TAB2: variants seen among roughly 807,000 people sequenced by gnomAD.
TAB2 encodes TGF-beta activated kinase 1 (MAP3K7) binding protein 2.
A neutral mutation model predicts 65.0 loss-of-function variants in TAB2; 3 were observed. The observed-to-expected ratio is 0.05, with a 90% CI of 0.02 to 0.12. The LOEUF is 0.12. TAB2 is among the 10% of genes least tolerant of loss of function. The pLI, the probability that TAB2 is intolerant of heterozygous loss-of-function variation, is 1.00. For synonymous variants in TAB2, 298 were observed against 285.1 expected, an observed-to-expected ratio of 1.05 and a Z score of -0.46; for missense variants, 623 against 840.3, an observed-to-expected ratio of 0.74 and a Z score of 3.20.
At position 149,390,668 on chromosome 6, in the gene TAB2, G is replaced by T. The variant is rs149990809; in HGVS notation, c.1604-6936G>T. Among the ~76,000 whole-genome samples the T allele has an allele frequency of 2.8e-3, 420 of 152,264 alleles. 5 individuals are homozygous for T. The highest frequency in any genetic ancestry group is 9.6e-3 in the African/African-American group (400 of 41,562). ...ACCATTTAGAATGCTTATAGCAGTG[G>T]TTTAAGAGCCCTGGTGCTTGAATTC... On this transcript the variant is annotated intron_variant, in intron 3 of 6. Transcript: ENST00000637181.
chr6:149,263,769 A>G (rs1778203331), intron 1 of TAB2, among the ~76,000 whole-genome samples: 1 of 152,192 alleles, frequency 6.6e-6, no homozygotes, highest in African/African-American at 2.4e-5. Context: ...GCTAAAGAAT[A>G]TTATGGGACA....
intron 1 of TAB2, among the ~76,000 whole-genome samples, chr6:149,320,372 G>A (rs1779403134): frequency 6.6e-6 from 1 of 152,334 alleles, no homozygotes; most frequent in African/African-American, 2.4e-5. Flanking sequence ...AAACTCCGCA[G>A]TTATGTAGGC....
intron 1 of TAB2, among the ~76,000 whole-genome samples, chr6:149,262,516 G>C (rs1392339601): frequency 6.7e-6 from 1 of 150,000 alleles, no homozygotes. Context: ...CTGGGCAACA[G>C]AGTGAAACTC....
intron 1 of TAB2, among the ~76,000 whole-genome samples, chr6:149,226,488 C>T (rs1219724534): frequency 6.6e-6 from 1 of 152,198 alleles, no homozygotes; most frequent in Non-Finnish European, 1.5e-5. Flanking sequence ...GATGCTCACA[C>T]ACCCTGATGT....
upstream of TAB2, among the ~76,000 whole-genome samples, chr6:149,316,038 G>A (rs771620901): frequency 4.3e-4 from 66 of 152,154 alleles, 1 homozygote; most frequent in Middle Eastern, 0.024. Flanking sequence ...TTTACTTAAT[G>A]GATTCAGTTT....
At chr6:149,388,764 T>G (rs571909967) in intron 3 of TAB2, among the ~76,000 whole-genome samples, 1 of 152,270 alleles carries the variant, frequency 6.6e-6, no homozygotes, top group Non-Finnish European at 1.5e-5. Context: ...CTTGCCTATT[T>G]CTGTAAAATG....
intron 1 of TAB2, among the ~76,000 whole-genome samples, chr6:149,359,772 T>C (rs1420238484): frequency 6.6e-6 from 1 of 152,204 alleles, no homozygotes. Context: ...CCAGGGAATT[T>C]TTTTCTTGCA....
intron 1 of TAB2, among the ~76,000 whole-genome samples, chr6:149,269,922 G>A (rs1047436619): frequency 1.3e-5 from 2 of 152,126 alleles, no homozygotes; most frequent in African/African-American, 4.8e-5. Flanking sequence ...AGATTTTTGT[G>A]TGGACATAGG....
At chr6:149,340,750 TATC>T (rs1489284070) in intron 1 of TAB2, among the ~76,000 whole-genome samples, 1 of 152,186 alleles carries the variant, frequency 6.6e-6, no homozygotes, top group African/African-American at 2.4e-5. Context: ...AATTCAGTCT[TATC>T]ATCTAAGTTT....
At chr6:149,391,861 A>G (rs1583153282) in intron 3 of TAB2, among the ~76,000 whole-genome samples, 1 of 151,882 alleles carries the variant, frequency 6.6e-6, no homozygotes, top group East Asian at 1.9e-4. Flanking sequence ...TTTCCATTCT[A>G]CATTTTAGGA....
intron 3 of TAB2, among the ~76,000 whole-genome samples, chr6:149,391,664 C>A (rs1781990090): frequency 6.6e-6 from 1 of 152,016 alleles, no homozygotes; most frequent in Non-Finnish European, 1.5e-5. Flanking sequence ...ACCTCAGCAT[C>A]TGGAGTAGCT....
At chr6:149,238,494 C>T (rs1011217681) in intron 1 of TAB2, among the ~76,000 whole-genome samples, 5 of 152,186 alleles carry the variant, frequency 3.3e-5, no homozygotes, top group Admixed American at 6.5e-5. Flanking sequence ...AAGACTCACC[C>T]TACATGTTCT....
At chr6:149,270,048 C>T (rs934875503) in intron 1 of TAB2, among the ~76,000 whole-genome samples, 1 of 152,342 alleles carries the variant, frequency 6.6e-6, no homozygotes, top group Admixed American at 6.5e-5. Context: ...TGCCATTTTG[C>T]AGCCACATCA....
rs10553494 is a variant in TAB2 at position 149,229,393 on chromosome 6, CGTGT to C, written c.-121+10640_-121+10643del. Among the ~76,000 whole-genome samples, 985 of 148,822 alleles carry C rather than the reference CGTGT, an allele frequency of 6.6e-3. 5 individuals carry two copies. The highest frequency in any genetic ancestry group is 0.014 in the African/African-American group (561 of 40,496). On this transcript the variant is annotated intron_variant, in intron 1 of 1. Coordinates refer to the TAB2 transcript ENST00000606202. ...ATGGCACCCAGCAAACCTTTAAAGA[CGTGT>C]GTGTGTGTGTGTGTGTGTGTGTTTG...
intron 1 of TAB2, among the ~76,000 whole-genome samples, chr6:149,324,973 A>C (rs935603273): frequency 6.6e-6 from 1 of 151,896 alleles, no homozygotes; most frequent in Non-Finnish European, 1.5e-5. Context: ...ATTTCTAAAA[A>C]TTTTTTATAG....
At chr6:149,385,205 A>G (rs1781749232) in intron 3 of TAB2, among the ~76,000 whole-genome samples, 2 of 152,254 alleles carry the variant, frequency 1.3e-5, no homozygotes, top group Non-Finnish European at 2.9e-5. Context: ...ATGAGATTTA[A>G]TAAAAAATGT....
At chr6:149,400,546 G>T (rs1465146312) in intron 6 of TAB2, 1 of 1,614,256 alleles carries the variant, frequency 6.2e-7, no homozygotes, top group South Asian at 1.1e-5. Flanking sequence ...GAACCACGGG[G>T]ATTGTCAGTG....
At chr6:149,351,258 T>C (rs1780480789) in intron 1 of TAB2, among the ~76,000 whole-genome samples, 1 of 152,158 alleles carries the variant, frequency 6.6e-6, no homozygotes, top group South Asian at 2.1e-4. Flanking sequence ...AAGTTTTTTG[T>C]CCCGTATGCA....
intron 1 of TAB2, among the ~76,000 whole-genome samples, chr6:149,330,093 CTCT>C (rs1336957427): frequency 1.4e-5 from 2 of 147,438 alleles, no homozygotes; most frequent in South Asian, 4.5e-4. Flanking sequence ...TGGAGATGGG[CTCT>C]TTTTTTTTTC....
Sources: allele counts gnomAD v4.1 joint callset (sites outside exome capture counted in the v4.1 genomes callset), GRCh38; gene constraint gnomAD v4.1.1; transcripts MANE v1.5; gene names NCBI Gene and HGNC (gene_info 2026-07-23, HGNC 2026-07-21).